The following DLGAP4 variants were observed in gnomAD, a reference collection of about 807,000 sequenced individuals.
DLGAP4 encodes disks large-associated protein 4.
A neutral mutation model predicts 86.9 loss-of-function variants in DLGAP4; 18 were observed. The observed-to-expected ratio is 0.21, with a 90% confidence interval of 0.14 to 0.31. The LOEUF (loss-of-function observed/expected upper bound fraction) is 0.31. DLGAP4 is among the 10% of genes least tolerant of loss of function. The pLI is 1.00. For missense variants in DLGAP4, 1,085 were observed against 1,362.6 expected (o/e 0.80, Z 3.21); for synonymous variants, 548 against 574.3 (o/e 0.95, Z 0.65).
chr20:36,330,106 A>G (rs1443247736), intron 1 of DLGAP4, among the ~76,000 whole-genome samples: 1 of 152,216 alleles, frequency 6.6e-6, no homozygotes, highest in Non-Finnish European at 1.5e-5. Context: ...TATTTTCCTA[A>G]TGCCGTTCTG....
chr20:36,374,155 G>C (rs1419180518), intron 2 of DLGAP4, among the ~76,000 whole-genome samples: 1 of 152,072 alleles, frequency 6.6e-6, no homozygotes, highest in East Asian at 1.9e-4. Context: ...CTGAAGTACC[G>C]ATTTCACTAG....
intron 7 of DLGAP4, among the ~76,000 whole-genome samples, chr20:36,476,383 A>G (rs1469259479): frequency 7.6e-6 from 1 of 132,000 alleles, no homozygotes; most frequent in Non-Finnish European, 1.5e-5. Context: ...GCTGGAGTGC[A>G]ATGGCGCTCT....
intron 2 of DLGAP4, among the ~76,000 whole-genome samples, chr20:36,416,638 GA>G (rs1338663794): frequency 6.6e-6 from 1 of 152,232 alleles, no homozygotes; most frequent in African/African-American, 2.4e-5. Flanking sequence ...GAACCCAGAG[GA>G]GGCCTTACCC....
chr20:36,413,240 A>G (rs779564243), intron 2 of DLGAP4, among the ~76,000 whole-genome samples: 7 of 151,538 alleles, frequency 4.6e-5, no homozygotes, highest in Non-Finnish European at 8.8e-5. Flanking sequence ...GGGCTCCCAA[A>G]GTGTTGGGAT....
At chr20:36,387,286 T>G (rs1452835104) in intron 2 of DLGAP4, among the ~76,000 whole-genome samples, 1 of 152,246 alleles carries the variant, frequency 6.6e-6, no homozygotes, top group Non-Finnish European at 1.5e-5. Context: ...TCTCATGATG[T>G]GTTTAGCGGT....
At chr20:36,489,425 C>T (rs1223544144) in intron 7 of DLGAP4, among the ~76,000 whole-genome samples, 1 of 152,212 alleles carries the variant, frequency 6.6e-6, no homozygotes, top group Admixed American at 6.5e-5. Flanking sequence ...GCTCCCTGAG[C>T]TTTATGGCTT....
intron 2 of DLGAP4, among the ~76,000 whole-genome samples, chr20:36,374,032 CAAAAAAAAAAAA>C (rs11472489): frequency 8.6e-6 from 1 of 115,686 alleles, no homozygotes; most frequent in Non-Finnish European, 1.7e-5. Flanking sequence ...GAGACTGTCT[CAAAAAAAAAAAA>C]AAAAAGAAAA....
At chr20:36,518,218 C>G (rs964952611) in intron 10 of DLGAP4, among the ~76,000 whole-genome samples, 4 of 149,944 alleles carry the variant, frequency 2.7e-5, no homozygotes, top group Admixed American at 2.6e-4. Flanking sequence ...CAAGACAAGA[C>G]TCGGTCTCAA....
At chr20:36,457,131 C>G (rs1023099743) in intron 7 of DLGAP4, among the ~76,000 whole-genome samples, 1 of 151,998 alleles carries the variant, frequency 6.6e-6, no homozygotes, top group Non-Finnish European at 1.5e-5. Context: ...CATAAGGGGT[C>G]CTGGGAGTGG....
intron 1 of DLGAP4, among the ~76,000 whole-genome samples, chr20:36,317,145 A>G (rs1473936616): frequency 6.6e-6 from 1 of 152,038 alleles, no homozygotes; most frequent in Non-Finnish European, 1.5e-5. Context: ...GGAAGCTACT[A>G]TGAAAATTTT....
At chr20:36,464,218 A>C (rs1355519109) in intron 7 of DLGAP4, among the ~76,000 whole-genome samples, 1 of 152,134 alleles carries the variant, frequency 6.6e-6, no homozygotes, top group African/African-American at 2.4e-5. Flanking sequence ...CTAATCCATA[A>C]AATGGGAATA....
At chr20:36,371,579 C>A (rs780239058) in intron 2 of DLGAP4, among the ~76,000 whole-genome samples, 2 of 152,210 alleles carry the variant, frequency 1.3e-5, no homozygotes, top group African/African-American at 4.8e-5. Context: ...GCTCATGTAA[C>A]ATCGTTGCTG....
At chr20:36,322,572 T>C (rs2065179462) in intron 1 of DLGAP4, among the ~76,000 whole-genome samples, 2 of 152,144 alleles carry the variant, frequency 1.3e-5, no homozygotes, top group South Asian at 2.1e-4. Flanking sequence ...ATAAAGTGCG[T>C]AGGACAGCAC....
chr20:36,338,710 A>C (rs1253980479), intron 1 of DLGAP4, among the ~76,000 whole-genome samples: 1 of 152,274 alleles, frequency 6.6e-6, no homozygotes, highest in Non-Finnish European at 1.5e-5. Context: ...ACAAATGACA[A>C]CAAAAAAATA....
At position 36,499,588 on chromosome 20, in the gene DLGAP4, G is replaced by A; in HGVS notation, c.2011G>A (p.Val671Ile). 6.2e-7 allele frequency: 1 copy of A among 1,613,846 alleles called. No individual in the cohort carries two copies. The highest frequency in any genetic ancestry group is 8.5e-7 in the Non-Finnish European group (1 of 1,179,916). ...KRKLSSIGIQ[V>I]DCIQPVPKEE... is the part of the protein sequence containing the mutation. ...GTTGCTGTCGTTGTCCTTCAATAAG[G>A]TTGACTGCATTCAGCCAGTGCCAAA... Residue 671 changes from valine to isoleucine, a missense_variant and splice_region_variant, in exon 9 of 13, where the codon GTT becomes ATT. Physicochemically the swap from Val to Ile is conservative, Grantham distance 29 (BLOSUM62 3). Coordinates refer to ENST00000339266, the MANE Select transcript of DLGAP4 (RefSeq NM_001365621.2).
In DLGAP4 at chr20:36,506,993, C is replaced by G. The variant is rs187995429; in HGVS notation, c.2512+6382C>G. 2.0e-5 allele frequency among the ~76,000 whole-genome samples: 3 copies of G among 152,210 alleles called. No individual in the cohort carries two copies. The East Asian group carries it at 5.8e-4, about 29-fold the overall frequency. On this transcript the variant is annotated intron_variant, in intron 10 of 12. Transcript: ENST00000339266. ...TTCATCCATAGCATGTGTCACAATT[C>G]CCTCCCTTGTTAAGGCTGAGTAATA...
In DLGAP4 at chr20:36,319,801, C is replaced by A. The variant is rs150075468; in HGVS notation, c.-304+13289C>A. 5.8e-3 allele frequency among the ~76,000 whole-genome samples: 886 copies of A among 152,226 alleles called. 2 individuals are homozygous for A. Among genetic ancestry groups the A allele is most frequent in the Middle Eastern group, 0.01 (3 of 294 alleles). Reference sequence around the variant, plus strand: ...AGGGGCCCCCAGGGCACCTAGGAGGCCTGGGAGGCAGGTGCTTGGGCCCTC... The same window carrying A: ...AGGGGCCCCCAGGGCACCTAGGAGGACTGGGAGGCAGGTGCTTGGGCCCTC... On this transcript the variant is annotated intron_variant, in intron 1 of 12. Coordinates refer to ENST00000339266, the MANE Select transcript of DLGAP4 (RefSeq NM_001365621.2).
intron 2 of DLGAP4, among the ~76,000 whole-genome samples, chr20:36,405,191 G>A (rs1389493060): frequency 6.6e-6 from 1 of 152,250 alleles, no homozygotes; most frequent in Non-Finnish European, 1.5e-5. Context: ...AGGAAGAGGA[G>A]GTTGGAGTCA....
At chr20:36,427,508 A>G (rs2033009152) in intron 2 of DLGAP4, among the ~76,000 whole-genome samples, 1 of 151,542 alleles carries the variant, frequency 6.6e-6, no homozygotes, top group Non-Finnish European at 1.5e-5. Context: ...GGAGGGAAGG[A>G]AGGAAGGAAG....
Sources: allele counts gnomAD v4.1 joint callset (sites outside exome capture counted in the v4.1 genomes callset), GRCh38; gene constraint gnomAD v4.1.1; transcripts MANE v1.5; gene names NCBI Gene and HGNC (gene_info 2026-07-23, HGNC 2026-07-21).